KIRREL3: variants seen among roughly 807,000 people sequenced by gnomAD.
KIRREL3 encodes kirre like nephrin family adhesion molecule 3.
A neutral mutation model predicts 89.7 loss-of-function variants in KIRREL3; 36 were observed. The ratio of observed to expected loss-of-function variants is 0.40; its 90% CI spans 0.31 to 0.53. KIRREL3 has a LOEUF of 0.53. Among genes scored for constraint, KIRREL3 ranks in the 20% least tolerant of loss-of-function variants. KIRREL3 has a pLI of 0.49. For synonymous variants in KIRREL3, 445 were observed against 441.4 expected, an observed-to-expected ratio of 1.01 and a Z score of -0.10; for missense variants, 864 against 1,056.6, an observed-to-expected ratio of 0.82 and a Z score of 2.53.
chr11:126,895,229 G>A (rs1426154962), intron 1 of KIRREL3, among the ~76,000 whole-genome samples: 1 of 151,936 alleles, frequency 6.6e-6, no homozygotes. Context: ...TTGGGAGGCT[G>A]AGATGGGAGG....
chr11:126,954,418 AT>A lies in KIRREL3; in HGVS notation c.55+46036del, dbSNP rs550071271. Among the ~76,000 whole-genome samples, 150 of 152,312 alleles carry A rather than the reference AT, an allele frequency of 9.8e-4. No individual in the cohort carries two copies. The Middle Eastern group carries it at 0.01, about 10-fold the overall frequency. On this transcript the variant is annotated intron_variant, in intron 1 of 16. Transcript: ENST00000525144. This position sits in a 1 kb window ranked among gnomAD's most constrained non-coding sequence, Gnocchi z 4.1. Reference sequence around the variant, plus strand: ...TTACTTAATATTCATTGCTGATAACATGAAGGATCTGTAAATTACAAATCAT... The same window carrying A: ...TTACTTAATATTCATTGCTGATAACAGAAGGATCTGTAAATTACAAATCAT...
intron 1 of KIRREL3, among the ~76,000 whole-genome samples, chr11:126,836,110 C>T (rs961905345): frequency 1.3e-5 from 2 of 152,214 alleles, no homozygotes; most frequent in Non-Finnish European, 2.9e-5. Flanking sequence ...CTTCCTGTAG[C>T]TTATTTTAAT....
rs1001769177 is a variant in KIRREL3, at chr11:126,652,286, T to C, written c.56-89374A>G. Among the ~76,000 whole-genome samples, 1 of 152,010 alleles carries C rather than the reference T, an allele frequency of 6.6e-6. No homozygotes were observed. The highest frequency in any genetic ancestry group is 6.6e-5 in the Admixed American group (1 of 15,252). ...GCACCCACTGGCCAAAAAGCCCGGG[T>C]TGGGGTCTCTGTGGGTTGATGGATA... On this transcript the variant is annotated intron_variant, in intron 1 of 16. Transcript: ENST00000525144. This position sits in a 1 kb window ranked among gnomAD's most constrained non-coding sequence, Gnocchi z 4.9.
At position 126,666,611 on chromosome 11, in the gene KIRREL3, G is replaced by C. The variant is rs1190516369; in HGVS notation, c.56-103699C>G. On this transcript the variant is annotated intron_variant, in intron 1 of 16. Coordinates refer to ENST00000525144, the MANE Select transcript of KIRREL3 (RefSeq NM_032531.4). The surrounding 1 kb of genome is among the most constrained non-coding windows in gnomAD (Gnocchi z 4.2). ...ACAAGGAAAACAATATCAATGATTT[G>C]TGCTGCCTGCTTGTCGAGTCTGTTT... Among the ~76,000 whole-genome samples, 1 of 152,154 alleles carries C rather than the reference G, an allele frequency of 6.6e-6. No homozygotes were observed.
chr11:126,590,989 G>A (rs889602805), intron 1 of KIRREL3, among the ~76,000 whole-genome samples: 20 of 152,308 alleles, frequency 1.3e-4, no homozygotes, highest in African/African-American at 3.6e-4. Context: ...TTGGGAGGCC[G>A]CTGAGGCGGG....
intron 1 of KIRREL3, among the ~76,000 whole-genome samples, chr11:126,821,355 A>ATATATATATATAT (rs1440926983): frequency 1.7e-4 from 24 of 140,360 alleles, no homozygotes; most frequent in South Asian, 4.7e-4. Flanking sequence ...ATATATATGT[A>ATATATATATATAT]ACTTCCAACC....
intron 1 of KIRREL3, among the ~76,000 whole-genome samples, chr11:126,822,188 A>G (rs778381989): frequency 1.4e-4 from 22 of 152,234 alleles, no homozygotes; most frequent in Non-Finnish European, 2.9e-4. Context: ...TGGCTATCTT[A>G]TGGAATTGCC....
In KIRREL3 at chr11:126,962,479, A is replaced by G. The variant is rs138375944; in HGVS notation, c.55+37976T>C. 9.1e-4 allele frequency among the ~76,000 whole-genome samples: 138 copies of G among 152,328 alleles called. 1 individual carries two copies. Among genetic ancestry groups the G allele is most frequent in the Middle Eastern group, 3.4e-3 (1 of 294 alleles). ...CTGAAGATATGACCGAATTGCTGCA[A>G]TCTTGTAAGATTTTAGTGGATGAGG... On this transcript the variant is annotated intron_variant, in intron 1 of 16. Transcript: ENST00000525144.
In KIRREL3 at chr11:126,575,851, AC is replaced by A. The variant is rs886491360; in HGVS notation, c.56-12940del. ...ATCTCCTCTGTGTGTGGCCTTCTCC[AC>A]CCCTACCCTTGCAGATGGGCATCCC... On this transcript the variant is annotated intron_variant, in intron 1 of 16. Coordinates refer to ENST00000525144, the MANE Select transcript of KIRREL3 (RefSeq NM_032531.4). The surrounding 1 kb of genome is among the most constrained non-coding windows in gnomAD (Gnocchi z 7.0). 7.9e-5 allele frequency among the ~76,000 whole-genome samples: 12 copies of A among 151,638 alleles called. No homozygotes were observed. The highest frequency in any genetic ancestry group is 5.3e-4 in the Admixed American group (8 of 15,236).
chr11:126,931,995 G>A lies in KIRREL3; in HGVS notation c.55+68460C>T, dbSNP rs1163670255. 2.6e-5 allele frequency among the ~76,000 whole-genome samples: 4 copies of A among 152,186 alleles called. No homozygotes were observed. The highest frequency in any genetic ancestry group is 7.2e-5 in the African/African-American group (3 of 41,442). On this transcript the variant is annotated intron_variant, in intron 1 of 16. Transcript: ENST00000525144. This position sits in a 1 kb window ranked among gnomAD's most constrained non-coding sequence, Gnocchi z 5.1. ...AGCAAGAAAAGAAGAGAAAGAATAA[G>A]AATGTATCAAGGAGGCTTGGTATTG...
intron 1 of KIRREL3, among the ~76,000 whole-genome samples, chr11:126,952,626 T>C (rs1948805147): frequency 1.3e-5 from 2 of 152,242 alleles, no homozygotes; most frequent in African/African-American, 4.8e-5. Context: ...TTTTGGTGTT[T>C]TAGTCATGAA....
chr11:126,707,246 CTTTT>C (rs33983436), intron 1 of KIRREL3, among the ~76,000 whole-genome samples: 5 of 112,594 alleles, frequency 4.4e-5, no homozygotes, highest in Non-Finnish European at 3.7e-5. Flanking sequence ...TTGTCCATGG[CTTTT>C]TTTTTTTTTT....
intron 1 of KIRREL3, among the ~76,000 whole-genome samples, chr11:126,833,031 G>T (rs558324118): frequency 6.6e-6 from 1 of 152,162 alleles, no homozygotes; most frequent in Non-Finnish European, 1.5e-5. Flanking sequence ...GAATGTGTCC[G>T]TGTGCGGCTG....
rs1482240575 is a variant in KIRREL3, at chr11:126,651,211, C to T, written c.56-88299G>A. On this transcript the variant is annotated intron_variant, in intron 1 of 16. Coordinates refer to ENST00000525144, the MANE Select transcript of KIRREL3 (RefSeq NM_032531.4). The surrounding 1 kb of genome is among the most constrained non-coding windows in gnomAD (Gnocchi z 4.6). ...GTCTAAATGAGAAAATGGTTCCTTG[C>T]TATAGGATTTCTCAGCTAGACTAAG... Among the ~76,000 whole-genome samples the T allele has an allele frequency of 6.6e-6, 1 of 152,212 alleles. No individual in the cohort carries two copies. The highest frequency in any genetic ancestry group is 1.5e-5 in the Non-Finnish European group (1 of 68,030).
intron 1 of KIRREL3, among the ~76,000 whole-genome samples, chr11:126,616,706 A>T (rs367801865): frequency 2.6e-5 from 4 of 152,168 alleles, no homozygotes; most frequent in African/African-American, 9.7e-5. Flanking sequence ...TCATGGTATG[A>T]TCATGGCTCA....
At chr11:126,741,789 C>G (rs1006439903) in intron 1 of KIRREL3, among the ~76,000 whole-genome samples, 2 of 152,226 alleles carry the variant, frequency 1.3e-5, no homozygotes, top group Non-Finnish European at 1.5e-5. Context: ...ATCTTCTCCT[C>G]AGGCAATTCT....
At position 126,901,213 on chromosome 11, in the gene KIRREL3, CAAAAAAAAAA is replaced by C. The variant is rs58769659; in HGVS notation, c.55+99232_55+99241del. 1.2e-4 allele frequency among the ~76,000 whole-genome samples: 10 copies of C among 86,052 alleles called. No individual in the cohort carries two copies. In the South Asian group the frequency reaches 4.7e-3, roughly 40 times the overall value. 56.5% of individuals were successfully genotyped at this position (86,052 alleles called of 152,430 possible). ...TGGGTAACAGAGCGAGATTCCGTCTCAAAAAAAAAAAAAAAAAAAGACTCTGGGATATTCC... is the reference window on the plus strand; with the variant it reads ...TGGGTAACAGAGCGAGATTCCGTCTCAAAAAAAAAGACTCTGGGATATTCC... On this transcript the variant is annotated intron_variant, in intron 1 of 16. Coordinates refer to ENST00000525144, the MANE Select transcript of KIRREL3 (RefSeq NM_032531.4).
intron 1 of KIRREL3, among the ~76,000 whole-genome samples, chr11:126,824,496 A>G: frequency 6.6e-6 from 1 of 152,196 alleles, no homozygotes; most frequent in East Asian, 1.9e-4. Context: ...ATCGATCCAG[A>G]AAGTTTATTT....
intron 12 of KIRREL3, among the ~76,000 whole-genome samples, chr11:126,436,274 C>T (rs1955332176): frequency 6.6e-6 from 1 of 152,230 alleles, no homozygotes; most frequent in African/African-American, 2.4e-5. Context: ...CCCTAGGGAT[C>T]TGGACAAGCA....
Sources: gnomAD v4.1 joint callset for allele counts (sites outside exome capture counted in the v4.1 genomes callset) on GRCh38, gnomAD v4.1.1 for gene constraint, Gnocchi (gnomAD v3.1) non-coding constraint, MANE v1.5 for transcripts, NCBI Gene and HGNC (gene_info 2026-07-23, HGNC 2026-07-21) for gene names.